SLC38A6: variants seen among roughly 807,000 people sequenced by gnomAD.
SLC38A6 encodes the protein N system amino acid transporter NAT-1.
Under a neutral mutation model 65.0 loss-of-function variants are expected in SLC38A6, and 73 were observed. That is an observed-to-expected ratio of 1.12 (90% CI 0.93 to 1.37). The LOEUF is 1.37. Among genes scored for constraint, SLC38A6 ranks in the 40% most tolerant of loss-of-function variants. The probability of loss-of-function intolerance (pLI) is 0.00; values close to 1 mark genes in which losing one functional copy is unlikely to be tolerated. For missense variants in SLC38A6, 561 were observed against 531.1 expected (o/e 1.06, Z -0.55); for synonymous variants, 183 against 178.8 (o/e 1.02, Z -0.19).
At chr14:61,003,165 A>C (rs762784681) in intron 3 of SLC38A6, among the ~76,000 whole-genome samples, 2 of 152,130 alleles carry the variant, frequency 1.3e-5, no homozygotes, top group Non-Finnish European at 2.9e-5. Flanking sequence ...TTTAAAAATA[A>C]AATTCTACCA....
chr14:61,004,356 G>C (rs2038927337), intron 3 of SLC38A6: 1 of 152,070 alleles, frequency 6.6e-6, no homozygotes, highest in Non-Finnish European at 1.5e-5. Context: ...ATGTAAAATA[G>C]GTCATTTGAA....
chr14:61,075,243 T>G (rs937404297), intron 15 of SLC38A6, among the ~76,000 whole-genome samples: 4 of 152,172 alleles, frequency 2.6e-5, no homozygotes, highest in African/African-American at 7.2e-5. Flanking sequence ...CTGAAACTAA[T>G]AAAGTCAGTA....
chr14:61,038,990 G>C (rs1326500378), intron 8 of SLC38A6, among the ~76,000 whole-genome samples: 1 of 152,198 alleles, frequency 6.6e-6, no homozygotes, highest in African/African-American at 2.4e-5. Context: ...ATATGCAAAT[G>C]AATGTATGGA....
At chr14:61,031,252 A>G (rs1376052962) in intron 6 of SLC38A6, among the ~76,000 whole-genome samples, 1 of 152,184 alleles carries the variant, frequency 6.6e-6, no homozygotes, top group African/African-American at 2.4e-5. Flanking sequence ...TTTAATTGCC[A>G]TCAAGTTATT....
chr14:61,067,974 G>C (rs966080208), intron 15 of SLC38A6, among the ~76,000 whole-genome samples: 1 of 152,060 alleles, frequency 6.6e-6, no homozygotes, highest in Non-Finnish European at 1.5e-5. Flanking sequence ...GCAGCCCACC[G>C]CTATCAGTAT....
intron 3 of SLC38A6, among the ~76,000 whole-genome samples, chr14:61,005,622 G>GAAGGGATGTGAAGGACCTCTTC (rs1341521413): frequency 6.6e-6 from 1 of 152,064 alleles, no homozygotes; most frequent in Non-Finnish European, 1.5e-5. Flanking sequence ...ATCCAACTTA[G>GAAGGGATGTGAAGGACCTCTTC]AAGGGATGTG....
At chr14:61,011,217 T>C (rs1161612618) in intron 3 of SLC38A6, among the ~76,000 whole-genome samples, 1 of 152,214 alleles carries the variant, frequency 6.6e-6, no homozygotes, top group Non-Finnish European at 1.5e-5. Flanking sequence ...ATGTGATTTT[T>C]ACACATTGAT....
rs1201424591 is a variant in SLC38A6 at position 61,072,720 on chromosome 14, T to C, written c.1291-6090T>C. Among the ~76,000 whole-genome samples, 3 of 152,238 alleles carry C rather than the reference T, an allele frequency of 2.0e-5. 1 individual carries two copies. The highest frequency in any genetic ancestry group is 4.4e-5 in the Non-Finnish European group (3 of 68,036). On this transcript the variant is annotated intron_variant, in intron 15 of 16. Transcript: ENST00000354886. ...GCAAATGAAAAGATCTCATTGTTTT[T>C]ATGGCTGAATAGCACTCCATTGTGT...
At chr14:61,079,576 T>C (rs1386198003) in intron 16 of SLC38A6, among the ~76,000 whole-genome samples, 1 of 152,142 alleles carries the variant, frequency 6.6e-6, no homozygotes, top group African/African-American at 2.4e-5. Flanking sequence ...ATGTAACTGC[T>C]CCATTACTCA....
At position 61,039,096 on chromosome 14, in the gene SLC38A6, A is replaced by G. The variant is rs569347582; in HGVS notation, c.624+1413A>G. On this transcript the variant is annotated intron_variant, in intron 8 of 15. Transcript: ENST00000267488. Reference sequence around the variant, plus strand: ...CATAGATAGGAGTAATTTAGTTTTCATAGCCAATAGCTTAAAGCAGGTTAA... The same window carrying G: ...CATAGATAGGAGTAATTTAGTTTTCGTAGCCAATAGCTTAAAGCAGGTTAA... 9.8e-5 allele frequency among the ~76,000 whole-genome samples: 15 copies of G among 152,340 alleles called. No homozygotes were observed. In the South Asian group the frequency reaches 2.7e-3, roughly 27 times the overall value.
chr14:60,984,454 A>G (rs1182125712), intron 2 of SLC38A6, among the ~76,000 whole-genome samples: 1 of 151,378 alleles, frequency 6.6e-6, no homozygotes, highest in Non-Finnish European at 1.5e-5. Context: ...CAGTCAGCAG[A>G]CAAGACTGCA....
intron 3 of SLC38A6, among the ~76,000 whole-genome samples, chr14:60,986,242 T>C (rs1184320678): frequency 6.6e-6 from 1 of 152,232 alleles, no homozygotes; most frequent in East Asian, 1.9e-4. Context: ...TCATCAGAAA[T>C]ACTCATAGAT....
chr14:61,049,972 A>G (rs1289117706), intron 12 of SLC38A6, among the ~76,000 whole-genome samples: 1 of 152,124 alleles, frequency 6.6e-6, no homozygotes, highest in African/African-American at 2.4e-5. Flanking sequence ...TTTTTTTCAT[A>G]AAACATGAAT....
intron 6 of SLC38A6, among the ~76,000 whole-genome samples, chr14:61,035,173 T>C (rs1427865695): frequency 6.6e-6 from 1 of 152,176 alleles, no homozygotes; most frequent in Admixed American, 6.5e-5. Context: ...TTGTTACTAT[T>C]GTGCGTGTGT....
chr14:60,990,374 C>G (rs1247800116), intron 3 of SLC38A6, among the ~76,000 whole-genome samples: 1 of 152,102 alleles, frequency 6.6e-6, no homozygotes, highest in Non-Finnish European at 1.5e-5. Context: ...ATTTATATCC[C>G]TGGCCTGGAA....
chr14:60,982,565 A>T lies in SLC38A6; in HGVS notation c.163A>T (p.Met55Leu), dbSNP rs2037140003. 6.2e-7 allele frequency: 1 copy of T among 1,613,944 alleles called. No individual in the cohort carries two copies. The highest frequency in any genetic ancestry group is 8.5e-7 in the Non-Finnish European group (1 of 1,180,020). Residue 55 changes from methionine (M) to leucine (L), a missense_variant, in exon 2 of 16, where the codon ATG becomes TTG. Transcript: ENST00000267488. ...VSFGLSVFNL[M>L]NAIMGSGILG... ...ATTTGGTTTATCAGTGTTTAATTTG[A>T]TGAATGCCATCATGGGAAGTGGCAT... is the stretch of plus-strand genomic sequence containing the variant.
At chr14:61,035,133 C>A (rs2041264861) in intron 6 of SLC38A6, among the ~76,000 whole-genome samples, 1 of 152,070 alleles carries the variant, frequency 6.6e-6, no homozygotes, top group Non-Finnish European at 1.5e-5. Context: ...CTTTGATGCC[C>A]CAAGCTCCCA....
At chr14:61,030,751 T>C in intron 6 of SLC38A6, 1 of 369,670 alleles carries the variant, frequency 2.7e-6, no homozygotes, top group Non-Finnish European at 4.9e-6. Flanking sequence ...AAGCACCAGA[T>C]ATAATCCTTG....
chr14:61,005,907 A>C lies in SLC38A6; in HGVS notation c.311-9997A>C, dbSNP rs953285640. Among the ~76,000 whole-genome samples the C allele has an allele frequency of 1.7e-3, 265 of 152,274 alleles. 1 individual carries two copies. Among genetic ancestry groups the C allele is most frequent in the African/African-American group, 5.7e-3 (235 of 41,556 alleles). ...CCAAAAGAACAAAGCTGGAGGCATC[A>C]CGCTACCTGACTTCAAACTATACTA... is the stretch of plus-strand genomic sequence containing the variant. On this transcript the variant is annotated intron_variant, in intron 3 of 15. Transcript: ENST00000267488.
Sources: gnomAD v4.1 joint callset for allele counts (sites outside exome capture counted in the v4.1 genomes callset) on GRCh38, gnomAD v4.1.1 for gene constraint, MANE v1.5 for transcripts, NCBI Gene and HGNC (gene_info 2026-07-23, HGNC 2026-07-21) for gene names.